LYPLAL1: variants seen among roughly 807,000 people sequenced by gnomAD.
LYPLAL1 encodes the protein lysophospholipase like 1, also known as lysophospholipase-like protein 1.
In LYPLAL1, 23 loss-of-function variants were observed where a neutral mutation model predicts 19.7. That is an observed-to-expected ratio of 1.17 (90% CI 0.84 to 1.65). The LOEUF (loss-of-function observed/expected upper bound fraction) is 1.65, where lower values mean the gene tolerates loss of function less well. Ranked by LOEUF, LYPLAL1 falls within the 40% of genes most tolerant of loss-of-function variation. The pLI, the probability that LYPLAL1 is intolerant of heterozygous loss-of-function variation, is 0.00. For synonymous variants in LYPLAL1, 119 were observed against 96.3 expected (o/e 1.24, Z -1.38); for missense variants, 355 against 279.4 (o/e 1.27, Z -1.93).
chr1:219,376,214 A>G, the LYPLAL1 span, among the ~76,000 whole-genome samples: 1 of 151,440 alleles, frequency 6.6e-6, no homozygotes. Context: ...GAAGGATGCT[A>G]AGACCACTTA....
chr1:219,193,302 C>T (rs972598136), intron 3 of LYPLAL1, 51 bp downstream of exon 3: 6 of 1,425,764 alleles, frequency 4.2e-6, no homozygotes, highest in Non-Finnish European at 4.8e-6. Flanking sequence ...TTGTCTAATT[C>T]TATACATCAA....
At chr1:219,176,660 T>G (rs1004408184) in intron 1 of LYPLAL1, among the ~76,000 whole-genome samples, 10 of 152,190 alleles carry the variant, frequency 6.6e-5, no homozygotes, top group African/African-American at 2.4e-4. Context: ...GTCCAAGGTC[T>G]TTTCACTCTA....
chr1:219,252,131 T>C, the LYPLAL1 span, among the ~76,000 whole-genome samples: 1 of 152,056 alleles, frequency 6.6e-6, no homozygotes, highest in African/African-American at 2.4e-5. Flanking sequence ...TGCATATTGA[T>C]TTTGTATCCT....
the LYPLAL1 span, among the ~76,000 whole-genome samples, chr1:219,314,059 A>G: frequency 3.3e-5 from 5 of 152,202 alleles, no homozygotes; most frequent in South Asian, 4.1e-4. Context: ...GCTCCCACTT[A>G]TAAGTGAGAA....
At chr1:219,185,182 T>C (rs1456450219) in intron 2 of LYPLAL1, among the ~76,000 whole-genome samples, 1 of 151,930 alleles carries the variant, frequency 6.6e-6, no homozygotes, top group African/African-American at 2.4e-5. Context: ...GTCAAATTTA[T>C]TGACAAAAAG....
chr1:219,329,775 G>A, the LYPLAL1 span, among the ~76,000 whole-genome samples: 1 of 152,150 alleles, frequency 6.6e-6, no homozygotes, highest in Non-Finnish European at 1.5e-5. Flanking sequence ...CTCTCGGTCA[G>A]CTATGACAGC....
the LYPLAL1 span, among the ~76,000 whole-genome samples, chr1:219,318,915 C>G: frequency 6.6e-6 from 1 of 152,196 alleles, no homozygotes; most frequent in East Asian, 1.9e-4. Flanking sequence ...GGTAAGAAAC[C>G]CTGTTTTTCT....
intron 2 of LYPLAL1, among the ~76,000 whole-genome samples, chr1:219,190,623 A>AAAAAAAG: frequency 5.2e-4 from 1 of 1,920 alleles, no homozygotes; most frequent in Non-Finnish European, 2.5e-3. Flanking sequence ...TTTGTCCAGT[A>AAAAAAAG]AAAAAAAAAA....
chr1:219,282,333 G>GA, the LYPLAL1 span, among the ~76,000 whole-genome samples: 1 of 151,820 alleles, frequency 6.6e-6, no homozygotes, highest in Non-Finnish European at 1.5e-5. Context: ...AAAAAGATAA[G>GA]AAAAAATATA....
downstream of LYPLAL1, among the ~76,000 whole-genome samples, chr1:219,215,536 G>T (rs549316238): frequency 6.6e-6 from 1 of 152,184 alleles, no homozygotes; most frequent in South Asian, 2.1e-4. Context: ...ATGGTGATCA[G>T]TAGTCTGCTT....
At chr1:219,274,007 G>A in the LYPLAL1 span, among the ~76,000 whole-genome samples, 6 of 152,134 alleles carry the variant, frequency 3.9e-5, no homozygotes, top group African/African-American at 4.8e-5. Flanking sequence ...TGATCCACCC[G>A]CCTCAGCCTC....
the LYPLAL1 span, among the ~76,000 whole-genome samples, chr1:219,399,442 G>A: frequency 4.5e-4 from 68 of 152,306 alleles, no homozygotes; most frequent in Non-Finnish European, 6.5e-4. Flanking sequence ...GGGATGGACT[G>A]CACTCCTGCC....
At position 219,211,539 on chromosome 1, in the gene LYPLAL1, T is replaced by C. The variant is rs544272967; in HGVS notation, c.525T>C (p.His175=). ...TACTTCCTGAATTATTTCAGTGTCA[T>C]GGTACTGCAGATGAGTTAGTTCTTC... The part of the protein sequence containing the change: ...NGVLPELFQC[H]GTADELVLHS... The change falls in exon 5 of 5, where the codon CAT becomes CAC. Residue 175 remains histidine, a synonymous_variant. Transcript: ENST00000366928. 2 of 1,613,272 alleles carry C rather than the reference T, an allele frequency of 1.2e-6. No individual in the cohort carries two copies. The highest frequency in any genetic ancestry group is 2.2e-5 in the South Asian group (2 of 91,050).
chr1:219,388,619 G>A, the LYPLAL1 span, among the ~76,000 whole-genome samples: 5 of 152,104 alleles, frequency 3.3e-5, no homozygotes, highest in African/African-American at 1.2e-4. Flanking sequence ...TGTGGGTGAG[G>A]CATTGAATAC....
the LYPLAL1 span, among the ~76,000 whole-genome samples, chr1:219,392,406 C>T: frequency 1.8e-3 from 281 of 152,284 alleles, 4 homozygotes; most frequent in Non-Finnish European, 2.4e-4. Context: ...TTTTAAGTCT[C>T]AGATTTCTGC....
chr1:219,256,923 T>A, the LYPLAL1 span, among the ~76,000 whole-genome samples: 33 of 152,184 alleles, frequency 2.2e-4, no homozygotes, highest in South Asian at 6.0e-3. Flanking sequence ...GGTCAAATAA[T>A]ACACTCCATG....
At chr1:219,220,542 C>T in the LYPLAL1 span, among the ~76,000 whole-genome samples, 2 of 152,044 alleles carry the variant, frequency 1.3e-5, no homozygotes, top group African/African-American at 4.8e-5. Context: ...TCCTTCTGGC[C>T]GTTACCTGGA....
the LYPLAL1 span, among the ~76,000 whole-genome samples, chr1:219,249,166 T>C: frequency 1.3e-5 from 2 of 151,986 alleles, no homozygotes; most frequent in Admixed American, 1.3e-4. Flanking sequence ...CTCAGGCTTC[T>C]CATCTATTTC....
chr1:219,338,612 A>G, the LYPLAL1 span, among the ~76,000 whole-genome samples: 1 of 148,696 alleles, frequency 6.7e-6, no homozygotes, highest in Non-Finnish European at 1.5e-5. Context: ...CACATGGTAC[A>G]AAAAAAAAAC....
Sources: gnomAD v4.1 joint callset for allele counts (sites outside exome capture counted in the v4.1 genomes callset) on GRCh38, gnomAD v4.1.1 for gene constraint, MANE v1.5 for transcripts, NCBI Gene and HGNC (gene_info 2026-07-23, HGNC 2026-07-21) for gene names.